The following LRRFIP1 variants were observed in gnomAD, a reference collection of about 807,000 sequenced individuals.
The protein encoded by LRRFIP1 is LRR binding FLII interacting protein 1.
LRRFIP1 carries 62 observed loss-of-function variants against 104.4 expected under a neutral mutation model. The observed-to-expected ratio is 0.59, with a 90% CI of 0.48 to 0.73. LRRFIP1 has a LOEUF of 0.73. Among genes scored for constraint, LRRFIP1 ranks in the 30% least tolerant of loss-of-function variants. The probability of loss-of-function intolerance (pLI) is 0.00; values close to 1 mark genes in which losing one functional copy is unlikely to be tolerated. For synonymous variants in LRRFIP1, 300 were observed against 299.0 expected (o/e 1.00, Z -0.03); for missense variants, 796 against 824.5 (o/e 0.97, Z 0.42).
chr2:237,717,406 G>T lies in LRRFIP1; in HGVS notation c.202-356G>T, dbSNP rs2094379231. 6.6e-6 allele frequency among the ~76,000 whole-genome samples: 1 copy of T among 152,210 alleles called. No homozygotes were observed. The highest frequency in any genetic ancestry group is 2.1e-4 in the South Asian group (1 of 4,828). ...GGTGTTTTATTCCTTCATCGCGTTT[G>T]CTTTGAAGGCATGAGCAGCCTGTTG... On this transcript the variant is annotated intron_variant, in intron 3 of 23. Transcript: ENST00000308482. This position sits in a 1 kb window ranked among gnomAD's most constrained non-coding sequence, Gnocchi z 4.2.
intron 1 of LRRFIP1, among the ~76,000 whole-genome samples, chr2:237,660,663 GAAAC>G (rs1158072802): frequency 6.6e-6 from 1 of 152,174 alleles, no homozygotes; most frequent in Admixed American, 6.5e-5. Flanking sequence ...GAAAAATGTG[GAAAC>G]AAACAAATTT....
chr2:237,628,937 T>C (rs1457779228), intron 1 of LRRFIP1, among the ~76,000 whole-genome samples: 1 of 152,230 alleles, frequency 6.6e-6, no homozygotes, highest in Admixed American at 6.5e-5. Context: ...GGCAAACCCT[T>C]ATTCATTCCT....
intron 1 of LRRFIP1, among the ~76,000 whole-genome samples, chr2:237,707,334 G>A (rs945070430): frequency 6.6e-6 from 1 of 151,018 alleles, no homozygotes; most frequent in Non-Finnish European, 1.5e-5. Flanking sequence ...TCAGGAGGCT[G>A]AGGCAGGAGG....
At position 237,720,816 on chromosome 2, in the gene LRRFIP1, C is replaced by G. The variant is rs1380827626; in HGVS notation, c.339C>G (p.Ser113Arg). ...GCATGTCAGTGGGTAGTCGTGGAAGCCTGAGGGTCAGTAACCAGAATGATG... is the reference window on the plus strand; with the variant it reads ...GCATGTCAGTGGGTAGTCGTGGAAGGCTGAGGGTCAGTAACCAGAATGATG... ...DERMSVGSRG[S>R]LRSQPDLEYG... Residue 113 changes from serine (S) to arginine (R), a missense_variant, in exon 6 of 24, where the codon AGC becomes AGG. Ser to Arg is a moderately radical substitution (Grantham distance 110). Coordinates refer to ENST00000308482, the MANE Select transcript of LRRFIP1 (RefSeq NM_001137550.2). 1 of 1,613,878 alleles carries G rather than the reference C, an allele frequency of 6.2e-7. No homozygotes were observed. Among genetic ancestry groups the G allele is most frequent in the African/African-American group, 1.3e-5 (1 of 74,924 alleles).
At chr2:237,733,361 G>A (rs1056687015) in intron 8 of LRRFIP1, among the ~76,000 whole-genome samples, 10 of 152,220 alleles carry the variant, frequency 6.6e-5, no homozygotes, top group Non-Finnish European at 1.3e-4. Flanking sequence ...TCCTGCTCCT[G>A]TCTTCATGTG....
intron 8 of LRRFIP1, 62 bp downstream of exon 8, chr2:237,727,997 T>A: frequency 1.7e-6 from 2 of 1,164,038 alleles, no homozygotes; most frequent in South Asian, 1.4e-5. Context: ...CTTCTAGAAC[T>A]AAAAACTAAT....
In LRRFIP1 at chr2:237,717,011, T is replaced by G. The variant is rs1329763564; in HGVS notation, c.202-751T>G. On this transcript the variant is annotated intron_variant, in intron 3 of 23. Transcript: ENST00000308482. This position sits in a 1 kb window ranked among gnomAD's most constrained non-coding sequence, Gnocchi z 4.2. Reference sequence around the variant, plus strand: ...ACTCTTTTAAAACATTATGAAATTTTTTTTGCAATTTTTTTTTTTTAGCTT... The same window carrying G: ...ACTCTTTTAAAACATTATGAAATTTGTTTTGCAATTTTTTTTTTTTAGCTT... 6.6e-6 allele frequency among the ~76,000 whole-genome samples: 1 copy of G among 151,070 alleles called. No individual in the cohort carries two copies. The highest frequency in any genetic ancestry group is 2.5e-5 in the African/African-American group (1 of 40,356).
chr2:237,773,635 A>C (rs997233156), intron 22 of LRRFIP1, among the ~76,000 whole-genome samples: 5 of 152,202 alleles, frequency 3.3e-5, no homozygotes, highest in Non-Finnish European at 7.3e-5. Flanking sequence ...TTTCTCTTGC[A>C]GCGAGGCCCG....
At chr2:237,678,508 T>C (rs2091427432) in intron 1 of LRRFIP1, among the ~76,000 whole-genome samples, 2 of 151,846 alleles carry the variant, frequency 1.3e-5, no homozygotes, top group Admixed American at 6.6e-5. Context: ...CTGAAACTAT[T>C]TTTTTTTCTT....
chr2:237,684,815 G>A (rs897154650), intron 1 of LRRFIP1, among the ~76,000 whole-genome samples: 7 of 151,770 alleles, frequency 4.6e-5, no homozygotes, highest in Admixed American at 2.6e-4. Context: ...GGCCTGGTGC[G>A]GTGGCTCAGA....
chr2:237,779,521 T>A lies in LRRFIP1; in HGVS notation c.1912T>A (p.Ser638Thr), dbSNP rs1407544682. ...KMKANRSALL[S>T]QQ ...GAAAGCAAATCGGAGTGCACTCTTG[T>A]CCCAGCAGTAAATTCCAGCTCTGAT... Residue 638 changes from serine to threonine, a missense_variant, in exon 24 of 24, where the codon TCC becomes ACC. Physicochemically the swap from Ser to Thr is moderately conservative, Grantham distance 58. Transcript: ENST00000308482. 1.9e-6 allele frequency: 3 copies of A among 1,613,268 alleles called. No individual in the cohort carries two copies. Among genetic ancestry groups the A allele is most frequent in the Non-Finnish European group, 2.5e-6 (3 of 1,179,360 alleles).
chr2:237,729,933 T>C, intron 8 of LRRFIP1: 1 of 565,790 alleles, frequency 1.8e-6, no homozygotes, highest in Middle Eastern at 9.0e-4. Flanking sequence ...GCTCTACTTT[T>C]CTCTTTCGGT....
intron 9 of LRRFIP1, among the ~76,000 whole-genome samples, chr2:237,734,244 C>CA (rs57954069): frequency 0.16 from 23,412 of 147,032 alleles, 3,486 homozygotes; most frequent in African/African-American, 0.4. Flanking sequence ...AGTAAATACT[C>CA]AAAGTAGCTA....
At chr2:237,663,242 G>A (rs1436391132) in intron 1 of LRRFIP1, among the ~76,000 whole-genome samples, 1 of 152,220 alleles carries the variant, frequency 6.6e-6, no homozygotes, top group Non-Finnish European at 1.5e-5. Context: ...AAGATTGTGA[G>A]CATTCTGTGA....
At chr2:237,681,922 G>T (rs916265507) in intron 1 of LRRFIP1, among the ~76,000 whole-genome samples, 1 of 150,666 alleles carries the variant, frequency 6.6e-6, no homozygotes, top group Non-Finnish European at 1.5e-5. Context: ...CTCGTGATCC[G>T]CCCGCCTCGG....
At chr2:237,760,019 A>G in intron 18 of LRRFIP1, 45 bp from the exon 19 acceptor site, 5 of 1,577,806 alleles carry the variant, frequency 3.2e-6, no homozygotes, top group Non-Finnish European at 4.3e-6. Context: ...AGTTTAACCT[A>G]ATATCACTGA....
chr2:237,631,277 G>T (rs529804650), intron 1 of LRRFIP1, among the ~76,000 whole-genome samples: 1 of 152,210 alleles, frequency 6.6e-6, no homozygotes, highest in Non-Finnish European at 1.5e-5. Flanking sequence ...GTTCCAGTTC[G>T]CTGGAGCGAG....
At chr2:237,700,091 T>A (rs1298059993) in intron 1 of LRRFIP1, among the ~76,000 whole-genome samples, 1 of 152,202 alleles carries the variant, frequency 6.6e-6, no homozygotes. Context: ...CTTGTCCACG[T>A]CTGTGCAGGA....
intron 1 of LRRFIP1, among the ~76,000 whole-genome samples, chr2:237,652,145 G>A (rs1445021210): frequency 6.6e-6 from 1 of 152,232 alleles, no homozygotes; most frequent in African/African-American, 2.4e-5. Context: ...CCCACTCTCT[G>A]GATGGAGAAG....
Sources: allele counts gnomAD v4.1 joint callset (sites outside exome capture counted in the v4.1 genomes callset), GRCh38; gene constraint gnomAD v4.1.1; non-coding constraint Gnocchi (gnomAD v3.1); transcripts MANE v1.5; gene names NCBI Gene and HGNC (gene_info 2026-07-23, HGNC 2026-07-21).